ANKRD36C: variants seen among roughly 807,000 people sequenced by gnomAD.
ANKRD36C encodes ankyrin repeat domain-containing protein 36C.
In ANKRD36C, 61 loss-of-function variants were observed where a neutral mutation model predicts 276.4. The observed-to-expected ratio is 0.22, with a 90% confidence interval of 0.18 to 0.27. ANKRD36C has a LOEUF of 0.27. Among genes scored for constraint, ANKRD36C ranks in the 10% least tolerant of loss-of-function variants. ANKRD36C has a pLI of 1.00. For missense variants in ANKRD36C, 1,447 were observed against 2,032.3 expected (o/e 0.71, Z 5.54); for synonymous variants, 483 against 680.1 (o/e 0.71, Z 4.51).
At chr2:95,856,286 C>T in intron 62 of ANKRD36C, 106 bp from the exon 83 acceptor site, 1 of 1,556,500 alleles carries the variant, frequency 6.4e-7, no homozygotes, top group Non-Finnish European at 8.6e-7. Flanking sequence ...TGAGAGGTTG[C>T]CATAACTGGA....
At chr2:95,896,273 C>T (rs1343360783) in intron 44 of ANKRD36C, among the ~76,000 whole-genome samples, 12 of 149,538 alleles carry the variant, frequency 8.0e-5, no homozygotes, top group East Asian at 4.0e-4. Flanking sequence ...ATATATTAGC[C>T]TCAATAAAAA....
intron 60 of ANKRD36C, among the ~76,000 whole-genome samples, chr2:95,865,605 C>T (rs1251031299): frequency 1.3e-5 from 2 of 152,082 alleles, no homozygotes; most frequent in South Asian, 2.1e-4. Flanking sequence ...ACACAGAATA[C>T]ATTTGTTTTT....
In ANKRD36C at chr2:95,919,366, C is replaced by G. The variant is rs555247875; in HGVS notation, c.2246-1324G>C. ...AGTTTTCTGTCTTTTCTTAGCAGTA[C>G]GATGTGACGTCTGTAAAATCTGTAC... is the stretch of plus-strand genomic sequence containing the variant. On this transcript the variant is annotated intron_variant, in intron 34 of 66. Transcript: ENST00000456556. Among the ~76,000 whole-genome samples the G allele has an allele frequency of 3.1e-4, 41 of 133,414 alleles. 13 individuals carry two copies. Among genetic ancestry groups the G allele is most frequent in the South Asian group, 2.3e-4 (1 of 4,260 alleles). 87.5% of individuals were successfully genotyped at this position (133,414 alleles called of 152,430 possible). A position where few individuals can be genotyped will look rare whatever the true frequency, so the allele number is the denominator to read the frequency against.
chr2:95,921,449 C>A (rs1003790462), intron 34 of ANKRD36C, among the ~76,000 whole-genome samples, 158 bp downstream of exon 34: 1 of 151,512 alleles, frequency 6.6e-6, no homozygotes, highest in African/African-American at 2.4e-5. Flanking sequence ...ATTAGCGTCA[C>A]CCAAGAATTT....
chr2:95,912,165 A>T, intron 42 of ANKRD36C, 79 bp downstream of exon 44: 1 of 1,520,152 alleles, frequency 6.6e-7, no homozygotes, highest in Non-Finnish European at 8.9e-7. Context: ...AGCTTCGACC[A>T]GCCCCCCACT....
chr2:95,969,326 G>T (rs1218023411), intron 6 of ANKRD36C, among the ~76,000 whole-genome samples: 1 of 152,038 alleles, frequency 6.6e-6, no homozygotes, highest in African/African-American at 2.4e-5. Flanking sequence ...CAGAAAATGG[G>T]GTTGAAGACC....
intron 36 of ANKRD36C, among the ~76,000 whole-genome samples, chr2:95,916,717 G>A (rs1677107734): frequency 6.6e-6 from 1 of 151,636 alleles, no homozygotes; most frequent in South Asian, 2.1e-4. Flanking sequence ...TCTGTTTGCT[G>A]ATACCTAGTA....
chr2:95,984,956 C>T (rs1280635797), intron 3 of ANKRD36C, among the ~76,000 whole-genome samples: 1 of 152,094 alleles, frequency 6.6e-6, no homozygotes, highest in Non-Finnish European at 1.5e-5. Flanking sequence ...TTTCTAGGTA[C>T]TTAACTGACA....
intron 46 of ANKRD36C, among the ~76,000 whole-genome samples, chr2:95,890,918 C>A (rs1321563209): frequency 1.3e-5 from 2 of 151,404 alleles, no homozygotes; most frequent in African/African-American, 4.8e-5. Context: ...GCTCCTTGAA[C>A]AAGGAAGCAA....
intron 46 of ANKRD36C, among the ~76,000 whole-genome samples, 161 bp from the exon 67 acceptor site, chr2:95,890,155 A>G (rs1676305864): frequency 6.6e-6 from 1 of 151,516 alleles, no homozygotes; most frequent in South Asian, 2.1e-4. Flanking sequence ...ACAGAAGTAC[A>G]CTGAAAAAAG....
exon 7 of ANKRD36C, chr2:95,962,525 G>C: frequency 6.2e-7 from 1 of 1,601,032 alleles, no homozygotes; most frequent in Non-Finnish European, 8.5e-7. Flanking sequence ...TTACCTTCAA[G>C]GCTGGTTGTT....
chr2:95,851,076 C>T (rs887678561), downstream of ANKRD36C: 3 of 755,124 alleles, frequency 4.0e-6, no homozygotes, highest in Non-Finnish European at 7.0e-6. Context: ...ATTTATTAAC[C>T]AAGCAATTGA....
intron 19 of ANKRD36C, among the ~76,000 whole-genome samples, chr2:95,942,506 T>C (rs1193374677): frequency 6.6e-6 from 1 of 152,350 alleles, no homozygotes; most frequent in African/African-American, 2.4e-5. Flanking sequence ...TATTCTATTA[T>C]AGAATTATAA....
At chr2:95,885,856 C>A (rs1676189131) in intron 52 of ANKRD36C, among the ~76,000 whole-genome samples, 192 bp downstream of exon 72, 1 of 151,740 alleles carries the variant, frequency 6.6e-6, no homozygotes, top group African/African-American at 2.4e-5. Flanking sequence ...GGGAAGTCTA[C>A]AATCTTACTA....
At chr2:95,891,888 C>T (rs749450434) in intron 44 of ANKRD36C, 28 bp from the exon 65 acceptor site, 4 of 1,555,664 alleles carry the variant, frequency 2.6e-6, no homozygotes, top group Non-Finnish European at 3.5e-6. Context: ...TTCATAATCA[C>T]TCATATGTAA....
intron 3 of ANKRD36C, among the ~76,000 whole-genome samples, chr2:95,985,692 A>G (rs1679012834): frequency 6.6e-6 from 1 of 152,214 alleles, no homozygotes; most frequent in African/African-American, 2.4e-5. Flanking sequence ...TAATCACTTC[A>G]GTCTCATCTC....
chr2:95,858,366 A>G (rs549023614), intron 61 of ANKRD36C, among the ~76,000 whole-genome samples: 1,584 of 152,288 alleles, frequency 0.01, 25 homozygotes, highest in African/African-American at 0.037. Flanking sequence ...TCTAGTTCTC[A>G]TGTTTTTAAT....
chr2:95,977,238 C>T (rs1327162621), intron 6 of ANKRD36C, among the ~76,000 whole-genome samples: 4 of 152,000 alleles, frequency 2.6e-5, no homozygotes, highest in African/African-American at 9.7e-5. Context: ...ATTTCTCTCT[C>T]CCCACTAATG....
intron 3 of ANKRD36C, among the ~76,000 whole-genome samples, chr2:95,984,150 T>G (rs1299020211): frequency 2.0e-5 from 3 of 151,816 alleles, no homozygotes; most frequent in African/African-American, 7.3e-5. Flanking sequence ...ACTCTACATT[T>G]AAATAAATAT....
Sources: allele counts gnomAD v4.1 joint callset (sites outside exome capture counted in the v4.1 genomes callset), GRCh38; gene constraint gnomAD v4.1.1; transcripts MANE v1.5; gene names NCBI Gene and HGNC (gene_info 2026-07-23, HGNC 2026-07-21).